ZNF560: variants seen among roughly 807,000 people sequenced by gnomAD.
ZNF560 encodes zinc finger protein 560.
Under a neutral mutation model 81.8 loss-of-function variants are expected in ZNF560, and 54 were observed. The observed-to-expected ratio is 0.66, with a 90% CI of 0.53 to 0.83. The LOEUF (loss-of-function observed/expected upper bound fraction) is 0.83. ZNF560 is among the 40% of genes least tolerant of loss of function. The pLI is 0.00. For synonymous variants in ZNF560, 321 were observed against 317.9 expected (o/e 1.01, Z -0.10); for missense variants, 940 against 932.4 (o/e 1.01, Z -0.11).
rs550402562 is a variant in ZNF560, at chr19:9,467,293, C to T, written c.1654G>A (p.Ala552Thr). The T allele has an allele frequency of 1.2e-6, 2 of 1,614,098 alleles. No homozygotes were observed. The highest frequency in any genetic ancestry group is 2.2e-5 in the East Asian group (1 of 44,882). ...RLYQCKKCGK[A>T]FTKCSYLTKH... ...GTAAGATATGAGCACTTAGTGAAAG[C>T]TTTACCACATTTCTTACATTGATAG... Residue 552 changes from alanine to threonine, a missense_variant, in exon 10 of 10, where the codon GCT becomes ACT. Transcript: ENST00000301480.
the ZNF560 span, among the ~76,000 whole-genome samples, chr19:9,457,188 C>A: frequency 6.6e-6 from 1 of 152,180 alleles, no homozygotes; most frequent in African/African-American, 2.4e-5. Context: ...TAAGACAAAA[C>A]CAGGTAAATG....
At chr19:9,480,046 T>C (rs956928841) in intron 2 of ZNF560, among the ~76,000 whole-genome samples, 7 of 152,148 alleles carry the variant, frequency 4.6e-5, no homozygotes. Context: ...ATACCCTACT[T>C]TGAACAACGG....
chr19:9,475,452 C>T (rs187856053), intron 2 of ZNF560, 83 bp from the exon 3 acceptor site: 124 of 731,708 alleles, frequency 1.7e-4, no homozygotes, highest in East Asian at 1.2e-3. Flanking sequence ...CAACCTGGTT[C>T]GAAATTCTCT....
intron 2 of ZNF560, among the ~76,000 whole-genome samples, chr19:9,488,056 G>A (rs2073413891): frequency 1.3e-5 from 2 of 152,098 alleles, no homozygotes; most frequent in Admixed American, 1.3e-4. Flanking sequence ...TTGGGTCATG[G>A]GGGTAGATCT....
At chr19:9,449,974 CAAAAA>C in the ZNF560 span, among the ~76,000 whole-genome samples, 1,551 of 43,312 alleles carry the variant, frequency 0.036, 37 homozygotes, top group African/African-American at 0.11. Flanking sequence ...AACTCTGTCT[CAAAAA>C]AAAAAAAAAA....
At chr19:9,462,816 GGCAA>G (rs1182923292), downstream of ZNF560, among the ~76,000 whole-genome samples, 1 of 151,940 alleles carries the variant, frequency 6.6e-6, no homozygotes, top group African/African-American at 2.4e-5. Context: ...ATCTATCAAG[GGCAA>G]GTACAGTCAG....
At chr19:9,469,977 T>C in intron 7 of ZNF560, 1 of 473,504 alleles carries the variant, frequency 2.1e-6, no homozygotes. Flanking sequence ...TAAATACAAA[T>C]TCTAAAAACC....
intron 2 of ZNF560, among the ~76,000 whole-genome samples, chr19:9,491,455 G>A (rs2073471755): frequency 6.6e-6 from 1 of 151,922 alleles, no homozygotes; most frequent in Non-Finnish European, 1.5e-5. Flanking sequence ...CAGTTGTCTA[G>A]ACCATATCAA....
chr19:9,471,208 T>C, intron 6 of ZNF560, 88 bp downstream of exon 6: 1 of 969,596 alleles, frequency 1.0e-6, no homozygotes, highest in Non-Finnish European at 1.5e-6. Flanking sequence ...GCTATTCCTC[T>C]CAATTATCTT....
chr19:9,489,260 G>A (rs1470445283), intron 2 of ZNF560, among the ~76,000 whole-genome samples: 2 of 151,896 alleles, frequency 1.3e-5, no homozygotes, highest in East Asian at 1.9e-4. Context: ...GCCAGGCAGA[G>A]GCGCTCCTCG....
At chr19:9,479,447 T>A (rs903895121) in intron 2 of ZNF560, among the ~76,000 whole-genome samples, 1 of 152,172 alleles carries the variant, frequency 6.6e-6, no homozygotes, top group Admixed American at 6.5e-5. Context: ...CTAAGTTAAG[T>A]ATTACTTATA....
chr19:9,463,529 G>T (rs555015716), downstream of ZNF560, among the ~76,000 whole-genome samples: 4 of 152,332 alleles, frequency 2.6e-5, no homozygotes, highest in South Asian at 4.1e-4. Flanking sequence ...AGGCAATTAA[G>T]ACTAATCTGC....
chr19:9,483,944 G>C (rs938648416), intron 2 of ZNF560, among the ~76,000 whole-genome samples: 3 of 151,950 alleles, frequency 2.0e-5, no homozygotes, highest in Non-Finnish European at 2.9e-5. Flanking sequence ...TTGTTCTGTA[G>C]TAAGAAAAAT....
the ZNF560 span, among the ~76,000 whole-genome samples, chr19:9,449,866 G>T: frequency 5.5e-4 from 83 of 151,842 alleles, no homozygotes; most frequent in Non-Finnish European, 3.1e-4. Flanking sequence ...TTACTTGGGA[G>T]GCTGAGGCAG....
chr19:9,476,004 C>T (rs10413314), intron 2 of ZNF560, among the ~76,000 whole-genome samples: 1 of 152,100 alleles, frequency 6.6e-6, no homozygotes, highest in Admixed American at 6.5e-5. Flanking sequence ...TCAAAGAACA[C>T]ACTTAAGGGG....
chr19:9,466,420 G>T lies in ZNF560; in HGVS notation c.*154C>A, dbSNP rs2073016780. 1 of 661,490 alleles carries T rather than the reference G, an allele frequency of 1.5e-6. No homozygotes were observed. Among genetic ancestry groups the T allele is most frequent in the African/African-American group, 1.8e-5 (1 of 54,982 alleles). 41.0% of individuals were successfully genotyped at this position (661,490 alleles called of 1,614,324 possible). A position where few individuals can be genotyped will look rare whatever the true frequency, so the allele number is the denominator to read the frequency against. ...TTTACAGGGTTTCTCTACAGTGTGA[G>T]TTTGTACATATCTAGAAAGATTCAA... On this transcript the variant is annotated 3_prime_UTR_variant, in exon 10 of 10. Coordinates refer to ENST00000301480, the MANE Select transcript of ZNF560 (RefSeq NM_152476.3).
In ZNF560 at chr19:9,467,144, T is replaced by C; in HGVS notation, c.1803A>G (p.Glu601=). ...TGAAGGCTTTTCCACATTTCTTACA[T>C]TCATATGGCTTCTCTCCACTGTGTC... ...LRRHSGEKPY[E]CKKCGKAFTE... is the part of the protein sequence containing the mutation. The change falls in exon 10 of 10, where the codon GAA becomes GAG. Residue 601 remains glutamate (E), a synonymous_variant. Coordinates refer to ENST00000301480, the MANE Select transcript of ZNF560 (RefSeq NM_152476.3). 6.2e-7 allele frequency: 1 copy of C among 1,614,042 alleles called. No individual in the cohort carries two copies. Among genetic ancestry groups the C allele is most frequent in the Non-Finnish European group, 8.5e-7 (1 of 1,180,014 alleles).
the ZNF560 span, among the ~76,000 whole-genome samples, chr19:9,457,861 A>G: frequency 6.6e-6 from 1 of 152,172 alleles, no homozygotes; most frequent in Non-Finnish European, 1.5e-5. Context: ...TAGTGTCACA[A>G]GCCCTTGGCA....
intron 6 of ZNF560, 65 bp downstream of exon 6, chr19:9,471,231 T>C: frequency 1.6e-6 from 2 of 1,221,644 alleles, no homozygotes; most frequent in Non-Finnish European, 2.3e-6. Flanking sequence ...GTGCTTATTT[T>C]CTATATTGGA....
Sources: allele counts gnomAD v4.1 joint callset (sites outside exome capture counted in the v4.1 genomes callset), GRCh38; gene constraint gnomAD v4.1.1; transcripts MANE v1.5; gene names NCBI Gene and HGNC (gene_info 2026-07-23, HGNC 2026-07-21).